The following DOCK7 variants were observed in gnomAD, a reference collection of about 807,000 sequenced individuals.
The protein encoded by DOCK7 is dedicator of cytokinesis protein 7.
In DOCK7, 138 loss-of-function variants were observed where a neutral mutation model predicts 271.0. That is an observed-to-expected ratio of 0.51 (90% CI 0.44 to 0.59). DOCK7 has a LOEUF of 0.59. Among genes scored for constraint, DOCK7 ranks in the 20% least tolerant of loss-of-function variants. The pLI is 0.00. For synonymous variants in DOCK7, 823 were observed against 876.1 expected, an observed-to-expected ratio of 0.94 and a Z score of 1.07; for missense variants, 2,066 against 2,592.4, an observed-to-expected ratio of 0.80 and a Z score of 4.41.
At chr1:62,632,709 G>GC (rs1178191292) in intron 10 of DOCK7, among the ~76,000 whole-genome samples, 2 of 152,092 alleles carry the variant, frequency 1.3e-5, no homozygotes, top group African/African-American at 4.8e-5. Flanking sequence ...GGGTATGGTG[G>GC]CTCACATCTG....
chr1:62,552,820 C>T lies in DOCK7; in HGVS notation c.2678G>A (p.Arg893His), dbSNP rs1557704600. ...AVRPASLNLNRSRSLSNSNPD... is the reference protein window; with the variant it reads ...AVRPASLNLNHSRSLSNSNPD... ...ATTGCTATTACTAAGGCTTCGAGAA[C>T]GATTTAAATTAAGGCTTGCAGGTCT... The change falls in exon 22 of 50, where the codon CGT (arginine) becomes CAT (histidine). Residue 893 changes from arginine (R) to histidine (H), a missense_variant. Physicochemically the swap from Arg to His is conservative, Grantham distance 29 (BLOSUM62 0). Around this residue, in one of 2 missense-constraint regions of DOCK7, gnomAD observed 1,414 missense variants for 1,670.4 expected, o/e 0.85. Transcript: ENST00000635253. 20 of 1,613,650 alleles carry T rather than the reference C, an allele frequency of 1.2e-5. No individual in the cohort carries two copies. Among genetic ancestry groups the T allele is most frequent in the African/African-American group, 4.0e-5 (3 of 74,828 alleles).
At chr1:62,610,953 T>TA (rs1651705554) in intron 14 of DOCK7, among the ~76,000 whole-genome samples, 1 of 152,244 alleles carries the variant, frequency 6.6e-6, no homozygotes. Flanking sequence ...TAGAATGATT[T>TA]ATAATCCTTT....
Position 62,619,888 on chromosome 1 carries a change from ATT to A in DOCK7, c.1519+10_1519+11del, listed in dbSNP as rs1422195124. ...ATAGTTGCAACCATTTCTACTCAAA[ATT>A]TTTAAATACCTGTAATAGGTCTTAG... On this transcript the variant is annotated intron_variant, in intron 13 of 49. Coordinates refer to ENST00000635253, the MANE Select transcript of DOCK7 (RefSeq NM_001367561.1). 1 of 1,587,028 alleles carries A rather than the reference ATT, an allele frequency of 6.3e-7. No individual in the cohort carries two copies. Among genetic ancestry groups the A allele is most frequent in the Non-Finnish European group, 8.6e-7 (1 of 1,160,848 alleles).
chr1:62,558,094 G>T (rs1340397660), intron 20 of DOCK7, among the ~76,000 whole-genome samples: 1 of 152,112 alleles, frequency 6.6e-6, no homozygotes, highest in Admixed American at 6.6e-5. Flanking sequence ...AAGTGTGGAA[G>T]ACCCAACTTC....
intron 31 of DOCK7, among the ~76,000 whole-genome samples, chr1:62,520,328 G>A (rs939889975): frequency 6.6e-6 from 1 of 151,978 alleles, no homozygotes; most frequent in African/African-American, 2.4e-5. Context: ...TATAGAATGG[G>A]AGAAAAATTT....
At chr1:62,602,377 G>A in intron 14 of DOCK7, 1 of 1,609,716 alleles carries the variant, frequency 6.2e-7, no homozygotes, top group Non-Finnish European at 8.5e-7. Flanking sequence ...TGGGAGGCTT[G>A]ATGGTAAGGG....
At chr1:62,657,430 C>A (rs759526686) in intron 2 of DOCK7, among the ~76,000 whole-genome samples, 63 of 152,116 alleles carry the variant, frequency 4.1e-4, no homozygotes, top group Admixed American at 8.5e-4. Context: ...TCAAAGAAAA[C>A]CAGCTAAAAT....
intron 48 of DOCK7, among the ~76,000 whole-genome samples, chr1:62,465,605 G>A (rs1016854185): frequency 2.0e-5 from 3 of 152,152 alleles, no homozygotes; most frequent in African/African-American, 7.2e-5. Flanking sequence ...AGGCTGCAGT[G>A]CAGTGGCACA....
chr1:62,660,631 T>C (rs1658550957), intron 2 of DOCK7, among the ~76,000 whole-genome samples: 1 of 152,208 alleles, frequency 6.6e-6, no homozygotes, highest in Non-Finnish European at 1.5e-5. Context: ...ATTCCAGTTC[T>C]AGGTATATAC....
At chr1:62,671,881 G>A (rs571712184) in intron 1 of DOCK7, among the ~76,000 whole-genome samples, 1 of 151,714 alleles carries the variant, frequency 6.6e-6, no homozygotes, top group South Asian at 2.1e-4. Flanking sequence ...TCTGCAAAGG[G>A]CTGGTTACAG....
chr1:62,505,842 A>AATAGAG (rs759091943), intron 35 of DOCK7, 26 bp from the exon 36 acceptor site: 3 of 1,604,558 alleles, frequency 1.9e-6, no homozygotes, highest in Non-Finnish European at 2.6e-6. Flanking sequence ...AAACAAATAA[A>AATAGAG]ATAGAGATGT....
chr1:62,465,535 G>A (rs1415743780), intron 48 of DOCK7, among the ~76,000 whole-genome samples: 2 of 151,900 alleles, frequency 1.3e-5, no homozygotes. Flanking sequence ...CACTTTTTGT[G>A]AAATACTGTT....
intron 35 of DOCK7, 77 bp downstream of exon 35, chr1:62,507,885 G>A: frequency 7.7e-7 from 1 of 1,300,578 alleles, no homozygotes; most frequent in Non-Finnish European, 1.1e-6. Flanking sequence ...TAATTTTATG[G>A]CTCACAGTAA....
At chr1:62,631,541 G>C in intron 10 of DOCK7, 136 bp from the exon 11 acceptor site, 1 of 699,314 alleles carries the variant, frequency 1.4e-6, no homozygotes, top group Non-Finnish European at 2.3e-6. Context: ...GTACCTTACA[G>C]AGATGAAGTA....
intron 18 of DOCK7, among the ~76,000 whole-genome samples, chr1:62,576,821 TTTG>T (rs1646954989): frequency 1.3e-5 from 2 of 152,226 alleles, no homozygotes; most frequent in Admixed American, 6.5e-5. Flanking sequence ...TCACAGCTAC[TTTG>T]TTTTCATTCA....
At chr1:62,683,371 C>A (rs1352162832) in intron 1 of DOCK7, among the ~76,000 whole-genome samples, 1 of 152,194 alleles carries the variant, frequency 6.6e-6, no homozygotes, top group African/African-American at 2.4e-5. Context: ...CTGGGCCCAT[C>A]TGCCCAGAGT....
chr1:62,544,952 T>A lies in DOCK7; in HGVS notation c.2854A>T (p.Thr952Ser). Residue 952 changes from threonine (T) to serine (S), a missense_variant, in exon 23 of 50, where the codon ACA becomes TCA. Transcript: ENST00000635253. ...GSNPSPSAES[T>S]QAMDRSCNRM... ...ACCTCTAATATAAACACCACCTGTGTTGATTCTGCACTTGGACTGGGGTTG... is the reference window on the plus strand; with the variant it reads ...ACCTCTAATATAAACACCACCTGTGATGATTCTGCACTTGGACTGGGGTTG... 1 of 1,549,314 alleles carries A rather than the reference T, an allele frequency of 6.5e-7. No individual in the cohort carries two copies. The highest frequency in any genetic ancestry group is 1.4e-5 in the African/African-American group (1 of 73,102).
rs762689422 is a variant in DOCK7, at chr1:62,492,839, T to C, written c.5226A>G (p.Ser1742=). The change falls in exon 41 of 50, where the codon TCA becomes TCG. Residue 1742 remains serine, a synonymous_variant. Transcript: ENST00000635253. ...CCGCAGATTCTTCTAAAACATTAGATGAAATATTCTAGGGAAAAAATATAT... is the reference window on the plus strand; with the variant it reads ...CCGCAGATTCTTCTAAAACATTAGACGAAATATTCTAGGGAAAAAATATAT... ...PVGCVTFQNI[S]SNVLEESAVS... is the part of the protein sequence containing the mutation. 2 of 1,609,774 alleles carry C rather than the reference T, an allele frequency of 1.2e-6. No homozygotes were observed. Among genetic ancestry groups the C allele is most frequent in the Non-Finnish European group, 1.7e-6 (2 of 1,178,608 alleles).
intron 43 of DOCK7, 188 bp downstream of exon 43, chr1:62,487,210 G>C: frequency 1.9e-6 from 1 of 521,386 alleles, no homozygotes; most frequent in Non-Finnish European, 3.5e-6. Flanking sequence ...CACTGCCTAC[G>C]ACCTCATAAT....
Sources: allele counts gnomAD v4.1 joint callset (sites outside exome capture counted in the v4.1 genomes callset), GRCh38; gene constraint gnomAD v4.1.1; regional missense constraint gnomAD v4.1.1; transcripts MANE v1.5; gene names NCBI Gene and HGNC (gene_info 2026-07-23, HGNC 2026-07-21).